PTPRM: variants seen among roughly 807,000 people sequenced by gnomAD.
PTPRM encodes the protein receptor-type tyrosine-protein phosphatase mu.
Under a neutral mutation model 186.7 loss-of-function variants are expected in PTPRM, and 47 were observed. That is an observed-to-expected ratio of 0.25 (90% confidence interval 0.20 to 0.32). PTPRM has a LOEUF of 0.32. Ranked by LOEUF, PTPRM falls within the 10% of genes least tolerant of loss-of-function variation. PTPRM has a pLI of 1.00. For synonymous variants in PTPRM, 668 were observed against 674.9 expected (o/e 0.99, Z 0.16); for missense variants, 1,494 against 1,865.0 (o/e 0.80, Z 3.66).
At chr18:8,368,547 A>G (rs1471438499) in intron 23 of PTPRM, among the ~76,000 whole-genome samples, 1 of 152,194 alleles carries the variant, frequency 6.6e-6, no homozygotes, top group Non-Finnish European at 1.5e-5. Flanking sequence ...TGCAACTCCT[A>G]GCATATCTGG....
chr18:8,293,308 A>C (rs9967521), intron 19 of PTPRM, among the ~76,000 whole-genome samples: 26,744 of 152,244 alleles, frequency 0.18, 2,607 homozygotes, highest in African/African-American at 0.25. Flanking sequence ...GGCTATTGGC[A>C]GTCCTGTGAT....
intron 8 of PTPRM, among the ~76,000 whole-genome samples, chr18:8,074,578 C>A (rs1175682442): frequency 2.0e-5 from 3 of 152,126 alleles, no homozygotes; most frequent in Non-Finnish European, 4.4e-5. Context: ...GTTATCATGT[C>A]TTTTCGTTAT....
At position 7,717,659 on chromosome 18, in the gene PTPRM, T is replaced by C. The variant is rs572229369; in HGVS notation, c.74-56490T>C. Among the ~76,000 whole-genome samples, 221 of 152,346 alleles carry C rather than the reference T, an allele frequency of 1.5e-3. 1 individual carries two copies. The highest frequency in any genetic ancestry group is 1.9e-3 in the Non-Finnish European group (131 of 68,030). ...CTGAGCTGTTAACACTTAAGTCATC[T>C]GTGGACAGCAGCGTTAAAAGAGCAC... On this transcript the variant is annotated intron_variant, in intron 1 of 32. Coordinates refer to ENST00000580170, the MANE Select transcript of PTPRM (RefSeq NM_001105244.2).
In PTPRM at chr18:8,314,773, C is replaced by G. The variant is rs1310019404; in HGVS notation, c.2843-8C>G. 6.2e-7 allele frequency: 1 copy of G among 1,609,430 alleles called. No homozygotes were observed. Among genetic ancestry groups the G allele is most frequent in the Non-Finnish European group, 8.5e-7 (1 of 1,177,222 alleles). On this transcript the variant is annotated splice_polypyrimidine_tract_variant and splice_region_variant and intron_variant, in intron 20 of 32. Coordinates refer to ENST00000580170, the MANE Select transcript of PTPRM (RefSeq NM_001105244.2). Reference sequence around the variant, plus strand: ...TAATCGTTATTTTCTGTCCCTTTTCCTTTGCAGACGATCATTCCCGAGTGA... The same window carrying G: ...TAATCGTTATTTTCTGTCCCTTTTCGTTTGCAGACGATCATTCCCGAGTGA...
chr18:7,832,169 A>G (rs2045794622), intron 2 of PTPRM, among the ~76,000 whole-genome samples: 1 of 152,136 alleles, frequency 6.6e-6, no homozygotes, highest in African/African-American at 2.4e-5. Flanking sequence ...ATCCTATGGT[A>G]GCTGTAATTT....
In PTPRM at chr18:8,380,398, G is replaced by A. The variant is rs769342771; in HGVS notation, c.3889G>A (p.Val1297Ile). 1.5e-5 allele frequency: 25 copies of A among 1,614,220 alleles called. No homozygotes were observed. In the South Asian group the frequency reaches 2.2e-4, roughly 14 times the overall value. Residue 1297 changes from valine to isoleucine, a missense_variant, in exon 29 of 33, where the codon GTT (valine) becomes ATT (isoleucine). Physicochemically the swap from Val to Ile is conservative, Grantham distance 29 (BLOSUM62 3). This residue lies in a region of PTPRM where 1,107 missense variants were observed against 1,350.2 expected (regional missense o/e 0.82). Coordinates refer to ENST00000580170, the MANE Select transcript of PTPRM (RefSeq NM_001105244.2). ...CCTGGATTATCACTGCACATCCGTA[G>A]TTATGCTAAATGATGTGGATCCTGC... is the stretch of plus-strand genomic sequence containing the variant. ...LVLDYHCTSV[V>I]MLNDVDPAQL...
At chr18:7,690,907 T>G (rs1487456333) in intron 1 of PTPRM, among the ~76,000 whole-genome samples, 2 of 152,200 alleles carry the variant, frequency 1.3e-5, no homozygotes, top group African/African-American at 4.8e-5. Context: ...AATTAAGTTA[T>G]GATTATATGT....
chr18:7,641,146 A>G (rs1385888199), intron 1 of PTPRM, among the ~76,000 whole-genome samples: 1 of 152,148 alleles, frequency 6.6e-6, no homozygotes, highest in East Asian at 1.9e-4. Flanking sequence ...TGTGTGTCCT[A>G]CTTGGAGCTG....
intron 19 of PTPRM, among the ~76,000 whole-genome samples, chr18:8,290,451 G>A (rs554158762): frequency 2.6e-5 from 4 of 151,540 alleles, no homozygotes; most frequent in East Asian, 3.9e-4. Flanking sequence ...AGACTGCATC[G>A]TTTTGGAGTA....
rs943124491 is a variant in PTPRM at position 8,099,302 on chromosome 18, C to T, written c.1856+10451C>T. The stretch of plus-strand genomic sequence containing the variant: ...AGCTCAGCCCTAGATTCATTCACTG[C>T]ACTGGCTGGTGACCGCTTGTCCTGG... On this transcript the variant is annotated intron_variant, in intron 11 of 32. Coordinates refer to ENST00000580170, the MANE Select transcript of PTPRM (RefSeq NM_001105244.2). Among the ~76,000 whole-genome samples the T allele has an allele frequency of 1.9e-4, 29 of 152,188 alleles. 1 individual carries two copies. Among genetic ancestry groups the T allele is most frequent in the Admixed American group, 5.2e-4 (8 of 15,284 alleles).
intron 14 of PTPRM, among the ~76,000 whole-genome samples, chr18:8,159,260 G>T (rs2093182101): frequency 6.6e-6 from 1 of 152,080 alleles, no homozygotes; most frequent in African/African-American, 2.4e-5. Flanking sequence ...TATAAATTTT[G>T]CCTGGTATCC....
At chr18:7,916,344 A>C (rs924505048) in intron 4 of PTPRM, among the ~76,000 whole-genome samples, 2 of 152,246 alleles carry the variant, frequency 1.3e-5, no homozygotes, top group African/African-American at 4.8e-5. Flanking sequence ...TCATATTCAC[A>C]TTATTTTTTT....
intron 13 of PTPRM, among the ~76,000 whole-genome samples, chr18:8,139,409 T>C (rs1345417076): frequency 6.6e-6 from 1 of 152,172 alleles, no homozygotes; most frequent in Non-Finnish European, 1.5e-5. Context: ...ATCTTCGTAA[T>C]AGCCTCGTAA....
chr18:7,627,938 G>T (rs1457935013), intron 1 of PTPRM, among the ~76,000 whole-genome samples: 1 of 152,162 alleles, frequency 6.6e-6, no homozygotes, highest in African/African-American at 2.4e-5. Context: ...AGATTCTGAT[G>T]TATGCAGCTC....
At chr18:8,279,739 C>T (rs1568655475) in intron 19 of PTPRM, among the ~76,000 whole-genome samples, 1 of 152,184 alleles carries the variant, frequency 6.6e-6, no homozygotes, top group African/African-American at 2.4e-5. Context: ...CAGAGATTGT[C>T]TGTGTGTATC....
chr18:7,872,254 C>A (rs931078849), intron 2 of PTPRM, among the ~76,000 whole-genome samples: 1 of 152,330 alleles, frequency 6.6e-6, no homozygotes, highest in African/African-American at 2.4e-5. Flanking sequence ...GCTCCCCAGC[C>A]TCTCAGTATC....
intron 2 of PTPRM, among the ~76,000 whole-genome samples, chr18:7,831,149 A>T (rs80163937): frequency 8.5e-5 from 13 of 152,260 alleles, no homozygotes; most frequent in African/African-American, 3.1e-4. Flanking sequence ...GAAAATATAC[A>T]CTATTTTTAT....
At chr18:8,213,625 A>G (rs1164818407) in intron 14 of PTPRM, among the ~76,000 whole-genome samples, 3 of 152,194 alleles carry the variant, frequency 2.0e-5, no homozygotes, top group Admixed American at 1.3e-4. Context: ...ACAGCCCTTC[A>G]TGAAGGGCAC....
chr18:8,271,840 T>C (rs573004623), intron 19 of PTPRM, among the ~76,000 whole-genome samples: 13 of 152,330 alleles, frequency 8.5e-5, no homozygotes, highest in African/African-American at 3.1e-4. Flanking sequence ...TTCATAATTA[T>C]ATAGTTTATT....
Sources: gnomAD v4.1 joint callset for allele counts (sites outside exome capture counted in the v4.1 genomes callset) on GRCh38, gnomAD v4.1.1 for gene constraint, gnomAD v4.1.1 regional missense constraint, MANE v1.5 for transcripts, NCBI Gene and HGNC (gene_info 2026-07-23, HGNC 2026-07-21) for gene names.